Variants in ASIC2 observed in about 807,000 individuals in gnomAD.
ASIC2 encodes acid-sensing ion channel 2.
A neutral mutation model predicts 57.3 loss-of-function variants in ASIC2; 25 were observed. That is an observed-to-expected ratio of 0.44 (90% CI 0.32 to 0.61). ASIC2 has a LOEUF of 0.61. Ranked by LOEUF, ASIC2 falls within the 20% of genes least tolerant of loss-of-function variation. The probability of loss-of-function intolerance (pLI) is 0.06; values close to 1 mark genes in which losing one functional copy is unlikely to be tolerated. For missense variants in ASIC2, 641 were observed against 738.1 expected (o/e 0.87, Z 1.52); for synonymous variants, 319 against 307.5 (o/e 1.04, Z -0.39).
At position 33,940,115 on chromosome 17, in the gene ASIC2, A is replaced by C. The variant is rs944089237; in HGVS notation, c.555+215863T>G. Among the ~76,000 whole-genome samples, 4 of 152,304 alleles carry C rather than the reference A, an allele frequency of 2.6e-5. No homozygotes were observed. In the South Asian group the frequency reaches 8.3e-4, roughly 32 times the overall value. ...CGCTACTCTAGGTAAGCCATTGTCCAAGGTCATGTGGTCAGCAAACAACCC... is the reference window on the plus strand; with the variant it reads ...CGCTACTCTAGGTAAGCCATTGTCCCAGGTCATGTGGTCAGCAAACAACCC... On this transcript the variant is annotated intron_variant, in intron 1 of 9. Coordinates refer to the ASIC2 transcript ENST00000359872.
At chr17:34,088,027 T>C (rs1281822040) in intron 1 of ASIC2, among the ~76,000 whole-genome samples, 2 of 152,262 alleles carry the variant, frequency 1.3e-5, no homozygotes, top group African/African-American at 2.4e-5. Context: ...TCTGAAGCCT[T>C]CTTCTCTCAA....
At chr17:34,085,886 C>A (rs962864763) in intron 1 of ASIC2, among the ~76,000 whole-genome samples, 109 of 151,486 alleles carry the variant, frequency 7.2e-4, no homozygotes, top group South Asian at 2.5e-3. Context: ...GTGGTGACAT[C>A]CCCTTTATCA....
chr17:33,370,458 A>G (rs1303967900), intron 1 of ASIC2, among the ~76,000 whole-genome samples: 2 of 152,218 alleles, frequency 1.3e-5, no homozygotes, highest in Non-Finnish European at 1.5e-5. Flanking sequence ...ATGCAAGTGC[A>G]AGGCCTTCAT....
intron 1 of ASIC2, among the ~76,000 whole-genome samples, chr17:33,253,306 T>C (rs1003612994): frequency 2.0e-5 from 3 of 152,270 alleles, no homozygotes; most frequent in Middle Eastern, 3.4e-3. Flanking sequence ...GATATATTAC[T>C]GACTATGGTT....
rs540313855 is a variant in ASIC2 at position 33,038,645 on chromosome 17, C to A, written c.988-10253G>T. Among the ~76,000 whole-genome samples, 4 of 152,332 alleles carry A rather than the reference C, an allele frequency of 2.6e-5. No individual in the cohort carries two copies. The South Asian group carries it at 8.3e-4, about 32-fold the overall frequency. ...TTTGATAATTGCTTAAATTTATGAA[C>A]AGAGCAAGGAATGCAGAACTTTTGT... is the stretch of plus-strand genomic sequence containing the variant. On this transcript the variant is annotated intron_variant, in intron 3 of 9. Coordinates refer to ENST00000225823, the MANE Select transcript of ASIC2 (RefSeq NM_183377.2).
At chr17:33,651,843 A>G (rs1376677187) in intron 1 of ASIC2, among the ~76,000 whole-genome samples, 2 of 152,232 alleles carry the variant, frequency 1.3e-5, no homozygotes, top group Non-Finnish European at 2.9e-5. Context: ...AGAAATAAAA[A>G]GGATGTGACA....
At chr17:33,833,498 G>C (rs1481811187) in intron 1 of ASIC2, among the ~76,000 whole-genome samples, 2 of 151,958 alleles carry the variant, frequency 1.3e-5, no homozygotes, top group Non-Finnish European at 2.9e-5. Flanking sequence ...CTTTGTCTGT[G>C]TGTGTGTGTA....
At chr17:33,918,026 G>A (rs1441757884) in intron 1 of ASIC2, among the ~76,000 whole-genome samples, 1 of 150,760 alleles carries the variant, frequency 6.6e-6, no homozygotes, top group African/African-American at 2.5e-5. Flanking sequence ...TTCCCAATCT[G>A]CCTTCCCAAT....
intron 1 of ASIC2, chr17:34,039,881 C>T: frequency 6.3e-7 from 1 of 1,577,348 alleles, no homozygotes; most frequent in Non-Finnish European, 8.7e-7. Flanking sequence ...ATTTCTACTG[C>T]CGCCGCCGCC....
chr17:33,463,372 T>A (rs1167240642), intron 1 of ASIC2, among the ~76,000 whole-genome samples: 1 of 152,244 alleles, frequency 6.6e-6, no homozygotes, highest in African/African-American at 2.4e-5. Flanking sequence ...ATGATTCTCC[T>A]TCTCCTTCTT....
chr17:33,469,230 G>A (rs1219457416), intron 1 of ASIC2, among the ~76,000 whole-genome samples: 4 of 152,218 alleles, frequency 2.6e-5, no homozygotes, highest in African/African-American at 9.6e-5. Context: ...GCAGCGTCGA[G>A]ACCCATGGAG....
intron 1 of ASIC2, among the ~76,000 whole-genome samples, chr17:33,616,484 T>C (rs1057356801): frequency 1.3e-5 from 2 of 152,256 alleles, no homozygotes; most frequent in African/African-American, 4.8e-5. Flanking sequence ...CTGAACTTAC[T>C]ACTGTGATTT....
upstream of ASIC2, among the ~76,000 whole-genome samples, chr17:33,295,244 A>G (rs1459464658): frequency 6.6e-6 from 1 of 152,160 alleles, no homozygotes; most frequent in African/African-American, 2.4e-5. Flanking sequence ...AATTCTCCAG[A>G]TGGTAGCTCT....
At chr17:34,020,876 T>C (rs528548888) in intron 1 of ASIC2, among the ~76,000 whole-genome samples, 1 of 152,274 alleles carries the variant, frequency 6.6e-6, no homozygotes, top group East Asian at 1.9e-4. Context: ...ATAACAAATG[T>C]GTATTGTTTT....
At chr17:33,333,154 C>T (rs548593335) in intron 1 of ASIC2, among the ~76,000 whole-genome samples, 2 of 152,122 alleles carry the variant, frequency 1.3e-5, no homozygotes, top group Non-Finnish European at 2.9e-5. Context: ...CATGCTCCTG[C>T]CTTTGTTTGT....
intron 1 of ASIC2, among the ~76,000 whole-genome samples, chr17:33,916,274 G>C (rs1474744514): frequency 6.6e-6 from 1 of 152,168 alleles, no homozygotes; most frequent in South Asian, 2.1e-4. Flanking sequence ...CTGAGACAAA[G>C]ACCATTTCTC....
chr17:33,383,908 A>G (rs1396044060), intron 1 of ASIC2, among the ~76,000 whole-genome samples: 1 of 152,234 alleles, frequency 6.6e-6, no homozygotes, highest in Non-Finnish European at 1.5e-5. Flanking sequence ...GGGTGGCGTG[A>G]CTTAGCAGAA....
At chr17:33,937,291 G>A (rs1471627318) in intron 1 of ASIC2, among the ~76,000 whole-genome samples, 1 of 152,150 alleles carries the variant, frequency 6.6e-6, no homozygotes, top group African/African-American at 2.4e-5. Flanking sequence ...TGATAGAGAT[G>A]GGGTTTCGCC....
intron 1 of ASIC2, chr17:33,565,745 C>T (rs1300488158): frequency 6.6e-6 from 1 of 152,236 alleles, no homozygotes; most frequent in Non-Finnish European, 1.5e-5. Flanking sequence ...GAAAACCTCT[C>T]CTCTCTTCTA....
Sources: gnomAD v4.1 joint callset for allele counts (sites outside exome capture counted in the v4.1 genomes callset) on GRCh38, gnomAD v4.1.1 for gene constraint, MANE v1.5 for transcripts, NCBI Gene and HGNC (gene_info 2026-07-23, HGNC 2026-07-21) for gene names.